OSCP1: variants seen among roughly 807,000 people sequenced by gnomAD.
OSCP1 encodes organic solute carrier partner 1, also known as protein OSCP1.
A neutral mutation model predicts 45.1 loss-of-function variants in OSCP1; 35 were observed. The ratio of observed to expected loss-of-function variants is 0.78; its 90% CI spans 0.59 to 1.03. The LOEUF (loss-of-function observed/expected upper bound fraction) is 1.03, where lower values mean the gene tolerates loss of function less well. Ranked by LOEUF, OSCP1 falls within the 50% of genes least tolerant of loss-of-function variation. The pLI, the probability that OSCP1 is intolerant of heterozygous loss-of-function variation, is 0.00. For missense variants in OSCP1, 400 were observed against 470.7 expected, an observed-to-expected ratio of 0.85 and a Z score of 1.39; for synonymous variants, 179 against 180.1, an observed-to-expected ratio of 0.99 and a Z score of 0.05.
chr1:36,443,271 T>A (rs1649310279), intron 1 of OSCP1, among the ~76,000 whole-genome samples: 1 of 152,082 alleles, frequency 6.6e-6, no homozygotes, highest in Admixed American at 6.6e-5. Flanking sequence ...GCCTCTTAAA[T>A]ATTATACAGG....
chr1:36,429,536 T>A (rs1382421764), intron 4 of OSCP1, among the ~76,000 whole-genome samples: 1 of 5,850 alleles, frequency 1.7e-4, no homozygotes, highest in Non-Finnish European at 3.8e-4. Flanking sequence ...AAGCTTAGAA[T>A]TTTTTTTTTT....
chr1:36,427,299 C>CCTTTTTT (rs546467564), intron 4 of OSCP1, among the ~76,000 whole-genome samples: 1 of 96,328 alleles, frequency 1.0e-5, no homozygotes, highest in African/African-American at 4.8e-5. Context: ...GGCGCCTGGC[C>CCTTTTTT]TTTTTTTTTT....
chr1:36,446,609 T>A (rs1490096535), intron 1 of OSCP1, among the ~76,000 whole-genome samples: 1 of 152,228 alleles, frequency 6.6e-6, no homozygotes, highest in African/African-American at 2.4e-5. Flanking sequence ...TTTCTCCAGA[T>A]GACTTATTTG....
intron 7 of OSCP1, 45 bp from the exon 8 acceptor site, chr1:36,420,660 C>CG (rs1647566656): frequency 6.2e-7 from 1 of 1,604,036 alleles, no homozygotes; most frequent in Non-Finnish European, 8.5e-7. Flanking sequence ...AAGGCAATCA[C>CG]ATTTCCTGCT....
intron 1 of OSCP1, among the ~76,000 whole-genome samples, chr1:36,440,479 C>G (rs1285654053): frequency 6.6e-6 from 1 of 152,216 alleles, no homozygotes; most frequent in African/African-American, 2.4e-5. Context: ...TTACACTAGA[C>G]TTGATCCTAT....
chr1:36,418,191 C>G lies in OSCP1; in HGVS notation c.1088G>C (p.Arg363Thr). The change falls in exon 10 of 10, where the codon AGG (arginine) becomes ACG (threonine). Residue 363 changes from arginine (R) to threonine (T), a missense_variant. Physicochemically the swap from Arg to Thr is moderately conservative, Grantham distance 71. Transcript: ENST00000235532. Reference protein sequence around the residue: ...MGEFEITEQPRLSTSKGDDLL... With the variant: ...MGEFEITEQPTLSTSKGDDLL... ...ATCGTCCCCTTTGCTGGTGCTCAGC[C>G]TTGGCTGCTCCGTGATCTCAAACTC... 1 of 1,614,214 alleles carries G rather than the reference C, an allele frequency of 6.2e-7. No individual in the cohort carries two copies. The highest frequency in any genetic ancestry group is 2.2e-5 in the East Asian group (1 of 44,886).
rs1281393902 is a variant in OSCP1 at position 36,439,701 on chromosome 1, T to C, written c.113-791A>G. On this transcript the variant is annotated intron_variant, in intron 1 of 9. Coordinates refer to ENST00000235532, the MANE Select transcript of OSCP1 (RefSeq NM_145047.5). ...TAATGTTGCTATAAGACATGTACTT[T>C]GAATAGCACCATTTTTGAATGCCTT... Among the ~76,000 whole-genome samples, 4 of 152,330 alleles carry C rather than the reference T, an allele frequency of 2.6e-5. No individual in the cohort carries two copies. The East Asian group carries it at 7.7e-4, about 29-fold the overall frequency.
rs1648945207 is a variant in OSCP1 at position 36,438,887 on chromosome 1, T to C, written c.136A>G (p.Met46Val). 2 of 1,614,106 alleles carry C rather than the reference T, an allele frequency of 1.2e-6. No individual in the cohort carries two copies. The highest frequency in any genetic ancestry group is 2.7e-5 in the African/African-American group (2 of 75,050). The change falls in exon 2 of 10, where the codon ATG (methionine) becomes GTG (valine). Residue 46 changes from methionine to valine, a missense_variant. Transcript: ENST00000235532. ...TCCTCCATAAACTTTCTATTGAACATGGTGGAGATGATGTCATTCAGAACT... is the reference window on the plus strand; with the variant it reads ...TCCTCCATAAACTTTCTATTGAACACGGTGGAGATGATGTCATTCAGAACT... The part of the protein sequence containing the change: ...RKVLNDIIST[M>V]FNRKFMEELF...
rs750003237 is a variant in OSCP1, at chr1:36,438,879, A to G, written c.144T>C (p.Asn48=). The G allele has an allele frequency of 8.1e-6, 13 of 1,614,072 alleles. No homozygotes were observed. Among genetic ancestry groups the G allele is most frequent in the African/African-American group, 4.0e-5 (3 of 74,934 alleles). Residue 48 remains asparagine, a synonymous_variant, in exon 2 of 10, where the codon AAT becomes AAC. Coordinates refer to ENST00000235532, the MANE Select transcript of OSCP1 (RefSeq NM_145047.5). ...TGAATAATTCCTCCATAAACTTTCT[A>G]TTGAACATGGTGGAGATGATGTCAT... The part of the protein sequence containing the change: ...VLNDIISTMF[N]RKFMEELFKP...
intron 2 of OSCP1, among the ~76,000 whole-genome samples, chr1:36,437,425 A>T (rs1029842132): frequency 1.8e-4 from 28 of 152,224 alleles, no homozygotes; most frequent in African/African-American, 6.8e-4. Flanking sequence ...GCTCTAAAAA[A>T]TATCTGGTTT....
chr1:36,426,539 T>C (rs1354307052), intron 4 of OSCP1, among the ~76,000 whole-genome samples: 1 of 152,076 alleles, frequency 6.6e-6, no homozygotes, highest in Non-Finnish European at 1.5e-5. Flanking sequence ...AAATTCCCCC[T>C]GCTCAGAACA....
Position 36,419,072 on chromosome 1 carries a change from G to T in OSCP1, c.960-18C>A. 1.3e-6 allele frequency: 2 copies of T among 1,596,668 alleles called. No individual in the cohort carries two copies. The highest frequency in any genetic ancestry group is 1.7e-6 in the Non-Finnish European group (2 of 1,164,126). ...CTGCTTGTCTGGATGAGATGGTAAA[G>T]AAAATGGGTGCAACATTAGGGTTCT... is the stretch of plus-strand genomic sequence containing the variant. On this transcript the variant is annotated intron_variant, in intron 8 of 9. Transcript: ENST00000235532.
rs760639855 is a variant in OSCP1, at chr1:36,450,406, G to T, written c.-37C>A. 4 of 1,570,034 alleles carry T rather than the reference G, an allele frequency of 2.5e-6. No individual in the cohort carries two copies. The highest frequency in any genetic ancestry group is 3.5e-6 in the Non-Finnish European group (4 of 1,141,786). On this transcript the variant is annotated 5_prime_UTR_variant, in exon 1 of 10. Coordinates refer to ENST00000235532, the MANE Select transcript of OSCP1 (RefSeq NM_145047.5). The stretch of plus-strand genomic sequence containing the variant: ...CGAGCTGGACTGGTGAAGAGCCCCG[G>T]GGTTCGGTAGCCAGTGGCCTGAAGG...
chr1:36,423,109 A>G (rs1361069320), intron 5 of OSCP1, among the ~76,000 whole-genome samples: 8 of 152,158 alleles, frequency 5.3e-5, no homozygotes, highest in Non-Finnish European at 1.0e-4. Flanking sequence ...GAGCACTATT[A>G]TCTTATTCAT....
chr1:36,449,115 T>C (rs1478064402), intron 1 of OSCP1, among the ~76,000 whole-genome samples: 1 of 152,240 alleles, frequency 6.6e-6, no homozygotes, highest in African/African-American at 2.4e-5. Flanking sequence ...CAATTGAGCA[T>C]ACAAAGATTA....
chr1:36,433,489 A>G (rs945358450), intron 2 of OSCP1, among the ~76,000 whole-genome samples: 2 of 140,710 alleles, frequency 1.4e-5, no homozygotes, highest in Non-Finnish European at 3.1e-5. Context: ...GACTGCAAGA[A>G]TGGGGAGGGA....
chr1:36,424,266 G>A (rs982531914), intron 4 of OSCP1, among the ~76,000 whole-genome samples: 2 of 152,168 alleles, frequency 1.3e-5, no homozygotes, highest in African/African-American at 2.4e-5. Flanking sequence ...TTTGAGCAGC[G>A]CAGCAAACCT....
At chr1:36,445,111 A>G (rs1649436665) in intron 1 of OSCP1, among the ~76,000 whole-genome samples, 1 of 152,212 alleles carries the variant, frequency 6.6e-6, no homozygotes, top group East Asian at 1.9e-4. Flanking sequence ...GAACTTTGGG[A>G]GGCCAAGATG....
Position 36,447,675 on chromosome 1 carries a change from ATG to A in OSCP1, c.112+2581_112+2582del, listed in dbSNP as rs1649630610. 1 of 188,908 alleles carries A rather than the reference ATG, an allele frequency of 5.3e-6. No homozygotes were observed. The highest frequency in any genetic ancestry group is 1.1e-5 in the Non-Finnish European group (1 of 87,434). The allele number at this position is 188,908 out of a possible 1,614,324, so 11.7% of individuals were successfully genotyped here. On this transcript the variant is annotated intron_variant, in intron 1 of 9. Transcript: ENST00000235532. The surrounding 1 kb of genome is among the most constrained non-coding windows in gnomAD (Gnocchi z 4.1). ...TAAAATGGGGATAGTAATATTACCTATGTGTTACAATAGTTGGGAGGATTAAG... is the reference window on the plus strand; with the variant it reads ...TAAAATGGGGATAGTAATATTACCTATGTTACAATAGTTGGGAGGATTAAG...
Sources: gnomAD v4.1 joint callset for allele counts (sites outside exome capture counted in the v4.1 genomes callset) on GRCh38, gnomAD v4.1.1 for gene constraint, Gnocchi (gnomAD v3.1) non-coding constraint, MANE v1.5 for transcripts, NCBI Gene and HGNC (gene_info 2026-07-23, HGNC 2026-07-21) for gene names.